The following LBP variants were observed in gnomAD, a reference collection of about 807,000 sequenced individuals.
LBP encodes lipopolysaccharide binding protein.
LBP carries 53 observed loss-of-function variants against 56.6 expected under a neutral mutation model. That is an observed-to-expected ratio of 0.94 (90% CI 0.75 to 1.18). The LOEUF (loss-of-function observed/expected upper bound fraction) is 1.18. Ranked by LOEUF, LBP falls within the 50% of genes most tolerant of loss-of-function variation. LBP has a pLI of 0.00. For missense variants in LBP, 601 were observed against 598.3 expected (o/e 1.00, Z -0.05); for synonymous variants, 227 against 247.5 (o/e 0.92, Z 0.78).
intron 5 of LBP, among the ~76,000 whole-genome samples, chr20:38,360,247 G>A (rs2076854919): frequency 2.8e-5 from 4 of 142,522 alleles, no homozygotes; most frequent in South Asian, 2.4e-4. Context: ...CCAACAGGGC[G>A]AGACTCCATC....
At chr20:38,359,150 C>T (rs1211350710) in intron 5 of LBP, among the ~76,000 whole-genome samples, 1 of 152,142 alleles carries the variant, frequency 6.6e-6, no homozygotes, top group Non-Finnish European at 1.5e-5. Flanking sequence ...TTTTTTCCTC[C>T]TAAGATTTTC....
intron 1 of LBP, 95 bp downstream of exon 1, chr20:38,346,735 C>T: frequency 1.3e-6 from 2 of 1,539,072 alleles, no homozygotes; most frequent in South Asian, 1.2e-5. Flanking sequence ...CAGACCGGAC[C>T]CTCTCCCTGG....
At chr20:38,352,891 T>A (rs1167700519) in intron 3 of LBP, among the ~76,000 whole-genome samples, 1 of 152,198 alleles carries the variant, frequency 6.6e-6, no homozygotes, top group African/African-American at 2.4e-5. Context: ...TCATACTATG[T>A]ATTACTAAAA....
At chr20:38,368,904 C>T in intron 9 of LBP, 91 bp from the exon 10 acceptor site, 2 of 1,329,244 alleles carry the variant, frequency 1.5e-6, no homozygotes, top group Non-Finnish European at 2.1e-6. Context: ...CAATCGAAAG[C>T]AACTTCCAGC....
intron 8 of LBP, among the ~76,000 whole-genome samples, chr20:38,366,214 G>A (rs1312014358): frequency 1.3e-5 from 2 of 152,296 alleles, no homozygotes; most frequent in South Asian, 2.1e-4. Context: ...GGTAGATCGA[G>A]GGTCATTTTG....
intron 8 of LBP, among the ~76,000 whole-genome samples, chr20:38,365,709 AAAAAAAAAATAT>A (rs1355205450): frequency 0.2 from 12,269 of 61,752 alleles, 376 homozygotes; most frequent in Non-Finnish European, 0.24. Context: ...AAAAAAAAAA[AAAAAAAAAATAT>A]ATATATATAT....
chr20:38,370,354 G>A (rs777167605), intron 10 of LBP, among the ~76,000 whole-genome samples: 2 of 152,114 alleles, frequency 1.3e-5, no homozygotes, highest in Admixed American at 6.6e-5. Context: ...CCAGCTGGGC[G>A]ACAGACAGAG....
In LBP at chr20:38,350,488, A is replaced by T. The variant is rs541812257; in HGVS notation, c.240-323A>T. ...GGATATGTCTACGGACCTTCTCAGGATGCCACCGGGGGTCATTAGATTCAT... is the reference window on the plus strand; with the variant it reads ...GGATATGTCTACGGACCTTCTCAGGTTGCCACCGGGGGTCATTAGATTCAT... On this transcript the variant is annotated intron_variant, in intron 2 of 14. Coordinates refer to ENST00000217407, the MANE Select transcript of LBP (RefSeq NM_004139.5). Among the ~76,000 whole-genome samples the T allele has an allele frequency of 1.6e-4, 24 of 152,280 alleles. 1 individual carries two copies. The South Asian group carries it at 5.0e-3, about 32-fold the overall frequency.
chr20:38,360,018 A>G (rs73621939), intron 5 of LBP, among the ~76,000 whole-genome samples: 2 of 152,152 alleles, frequency 1.3e-5, no homozygotes, highest in Admixed American at 1.3e-4. Context: ...TTGGGAGGCC[A>G]AGGCAGGTGG....
At chr20:38,366,382 C>A (rs147060390) in intron 8 of LBP, among the ~76,000 whole-genome samples, 12 of 152,274 alleles carry the variant, frequency 7.9e-5, no homozygotes, top group African/African-American at 2.4e-4. Flanking sequence ...CTAGGATGTT[C>A]GTTTAGGCCT....
rs2076835457 is a variant in LBP at position 38,355,429 on chromosome 20, T to C, written c.588+20T>C. 1 of 1,609,800 alleles carries C rather than the reference T, an allele frequency of 6.2e-7. No homozygotes were observed. The highest frequency in any genetic ancestry group is 8.5e-7 in the Non-Finnish European group (1 of 1,176,738). ...AGCAGGGTAAGAAGGTCCAAGCCTCTGGCCTCCCCCGAGCTTGGCGAGGGC... is the reference window on the plus strand; with the variant it reads ...AGCAGGGTAAGAAGGTCCAAGCCTCCGGCCTCCCCCGAGCTTGGCGAGGGC... On this transcript the variant is annotated intron_variant, in intron 5 of 14. Transcript: ENST00000217407.
At chr20:38,372,676 C>G (rs976535621) in intron 12 of LBP, among the ~76,000 whole-genome samples, 59 of 152,208 alleles carry the variant, frequency 3.9e-4, no homozygotes, top group African/African-American at 1.4e-3. Context: ...ACGTAAAGCT[C>G]TGAGCTCTCT....
chr20:38,355,522 G>T, intron 5 of LBP, 113 bp downstream of exon 5: 1 of 922,822 alleles, frequency 1.1e-6, no homozygotes, highest in Non-Finnish European at 1.7e-6. Context: ...ACGTACTTGG[G>T]CCCAAAGCCC....
In LBP at chr20:38,363,101, G is replaced by T. The variant is rs1380101166; in HGVS notation, c.653-874G>T. On this transcript the variant is annotated intron_variant, in intron 6 of 14. Coordinates refer to ENST00000217407, the MANE Select transcript of LBP (RefSeq NM_004139.5). ...TTCTACTGTTGAAGGCCATCTGGGG[G>T]GTGTTCAGTTTTAGGCCATTATCCG... Among the ~76,000 whole-genome samples the T allele has an allele frequency of 2.0e-5, 3 of 152,142 alleles. No individual in the cohort carries two copies. In the East Asian group the frequency reaches 5.8e-4, roughly 29 times the overall value.
chr20:38,355,965 A>G (rs1183056893), intron 5 of LBP, among the ~76,000 whole-genome samples: 1 of 151,572 alleles, frequency 6.6e-6, no homozygotes, highest in East Asian at 1.9e-4. Flanking sequence ...ACACTCATTC[A>G]TCCCAAAATC....
At chr20:38,366,227 C>T (rs2076881284) in intron 8 of LBP, among the ~76,000 whole-genome samples, 1 of 151,912 alleles carries the variant, frequency 6.6e-6, no homozygotes, top group South Asian at 2.1e-4. Context: ...TCATTTTGTC[C>T]TTCTGATGGC....
intron 12 of LBP, among the ~76,000 whole-genome samples, chr20:38,372,214 AGTCGTT>A (rs1368430589): frequency 1.3e-5 from 2 of 152,184 alleles, no homozygotes; most frequent in African/African-American, 4.8e-5. Flanking sequence ...TTTAATGTGT[AGTCGTT>A]GGCTTCTCTT....
intron 8 of LBP, 62 bp from the exon 9 acceptor site, chr20:38,366,704 ATCT>A: frequency 2.0e-6 from 3 of 1,475,660 alleles, no homozygotes; most frequent in South Asian, 1.1e-5. Flanking sequence ...TGTCTCCCCA[ATCT>A]TCTTTAGACC....
intron 6 of LBP, among the ~76,000 whole-genome samples, chr20:38,363,756 T>C (rs951420377): frequency 6.6e-6 from 1 of 152,060 alleles, no homozygotes; most frequent in African/African-American, 2.4e-5. Flanking sequence ...GGAAACTGCT[T>C]AGGCCCTAGG....
Sources: gnomAD v4.1 joint callset for allele counts (sites outside exome capture counted in the v4.1 genomes callset) on GRCh38, gnomAD v4.1.1 for gene constraint, MANE v1.5 for transcripts, NCBI Gene and HGNC (gene_info 2026-07-23, HGNC 2026-07-21) for gene names.